Variants in CALCOCO2 observed in about 807,000 individuals in gnomAD.
CALCOCO2 encodes calcium binding and coiled-coil domain 2.
CALCOCO2 carries 42 observed loss-of-function variants against 62.5 expected under a neutral mutation model. That is an observed-to-expected ratio of 0.67 (90% CI 0.53 to 0.87). The LOEUF (loss-of-function observed/expected upper bound fraction) is 0.87, where lower values mean the gene tolerates loss of function less well. CALCOCO2 is among the 40% of genes least tolerant of loss of function. The pLI is 0.00. For missense variants in CALCOCO2, 456 were observed against 515.0 expected (o/e 0.89, Z 1.11); for synonymous variants, 167 against 173.0 (o/e 0.97, Z 0.27).
chr17:48,849,029 A>C (rs1220144028), intron 4 of CALCOCO2, among the ~76,000 whole-genome samples: 1 of 152,176 alleles, frequency 6.6e-6, no homozygotes, highest in Admixed American at 6.5e-5. Context: ...TGTTCCTTTT[A>C]ATTTTAATGG....
Position 48,857,497 on chromosome 17 carries a change from C to CTTTTTTTTTTTTTTTTTTTTTTTT in CALCOCO2, c.1008+1333_1008+1334insTTTTTTTTTTTTTTTTTTTTTTTT, listed in dbSNP as rs59318856. On this transcript the variant is annotated intron_variant, in intron 10 of 12. Coordinates refer to ENST00000258947, the MANE Select transcript of CALCOCO2 (RefSeq NM_005831.5). ...CAGGCGTGAGCCACTGCACCCGGCC[C>CTTTTTTTTTTTTTTTTTTTTTTTT]TTTTTTTTTTTTTTTTTTTTTTTGA... Among the ~76,000 whole-genome samples the CTTTTTTTTTTTTTTTTTTTTTTTT allele has an allele frequency of 4.4e-4, 17 of 38,438 alleles. 6 individuals are homozygous for CTTTTTTTTTTTTTTTTTTTTTTTT. The highest frequency in any genetic ancestry group is 4.8e-4 in the Non-Finnish European group (10 of 21,050). The allele number at this position is 38,438 out of a possible 152,430, so 25.2% of individuals were successfully genotyped here. A position where few individuals can be genotyped will look rare whatever the true frequency, so the allele number is the denominator to read the frequency against.
In CALCOCO2 at chr17:48,860,318, T is replaced by G. The variant is rs756310270; in HGVS notation, c.1013T>G (p.Leu338Trp). 5.6e-6 allele frequency: 9 copies of G among 1,613,778 alleles called. No individual in the cohort carries two copies. Among genetic ancestry groups the G allele is most frequent in the Non-Finnish European group, 7.6e-6 (9 of 1,179,726 alleles). ...CTATAAATCCTCTATCCTTAGCTTT[T>G]GAAGAGGGAGAACAGCAGATTGCTC... ...KERLEGENDL[L>W]KRENSRLLSY... The change falls in exon 11 of 13, where the codon TTG (leucine) becomes TGG (tryptophan). Residue 338 changes from leucine to tryptophan, a missense_variant. Physicochemically the swap from Leu to Trp is moderately conservative, Grantham distance 61. Coordinates refer to ENST00000258947, the MANE Select transcript of CALCOCO2 (RefSeq NM_005831.5).
At chr17:48,860,508 A>G in intron 11 of CALCOCO2, 59 bp downstream of exon 11, 2 of 1,556,948 alleles carry the variant, frequency 1.3e-6, no homozygotes, top group Non-Finnish European at 1.8e-6. Flanking sequence ...TTCCCCTACT[A>G]AATTTTTGTT....
At chr17:48,840,380 C>T (rs1380707896) in intron 1 of CALCOCO2, among the ~76,000 whole-genome samples, 1 of 152,292 alleles carries the variant, frequency 6.6e-6, no homozygotes, top group East Asian at 1.9e-4. Flanking sequence ...ATCCACCCGC[C>T]TCTGCCTTCC....
Position 48,863,051 on chromosome 17 carries a change from C to T in CALCOCO2, c.*46C>T, listed in dbSNP as rs369461455. On this transcript the variant is annotated 3_prime_UTR_variant, in exon 13 of 13. Coordinates refer to ENST00000258947, the MANE Select transcript of CALCOCO2 (RefSeq NM_005831.5). ...TATACAGAGATTTTATAGAATAGAA[C>T]CTATAGCTTCTACCATGAGTTATAT... The T allele has an allele frequency of 2.1e-5, 28 of 1,361,298 alleles. No individual in the cohort carries two copies. Among genetic ancestry groups the T allele is most frequent in the Admixed American group, 1.7e-5 (1 of 59,572 alleles). The allele number at this position is 1,361,298 out of a possible 1,614,324, so 84.3% of individuals were successfully genotyped here. A position where few individuals can be genotyped will look rare whatever the true frequency, so the allele number is the denominator to read the frequency against.
chr17:48,851,053 A>C (rs769379162), intron 5 of CALCOCO2, 36 bp from the exon 6 acceptor site: 1 of 1,157,552 alleles, frequency 8.6e-7, no homozygotes, highest in South Asian at 1.2e-5. Context: ...AAGTCATAGA[A>C]CTAGTCTGTC....
intron 2 of CALCOCO2, among the ~76,000 whole-genome samples, chr17:48,842,966 C>T (rs2039996142): frequency 6.6e-6 from 1 of 152,104 alleles, no homozygotes; most frequent in Non-Finnish European, 1.5e-5. Context: ...GATGGCTGAC[C>T]TCATATGTCA....
intron 1 of CALCOCO2, among the ~76,000 whole-genome samples, chr17:48,832,259 T>G (rs916560401): frequency 6.6e-6 from 1 of 152,144 alleles, no homozygotes; most frequent in Admixed American, 6.5e-5. Flanking sequence ...TGGAGCGTGG[T>G]GGCGGGCGCC....
chr17:48,847,517 G>A (rs2040068305), intron 2 of CALCOCO2, among the ~76,000 whole-genome samples: 2 of 151,986 alleles, frequency 1.3e-5, no homozygotes, highest in African/African-American at 4.8e-5. Flanking sequence ...TTTGAGCTGT[G>A]TATGTGCACC....
Position 48,839,669 on chromosome 17 carries a change from G to GTT in CALCOCO2, c.-10-2029_-10-2028insTT, listed in dbSNP as rs1491274950. Among the ~76,000 whole-genome samples the GTT allele has an allele frequency of 3.1e-5, 2 of 64,094 alleles. 1 individual carries two copies. Among genetic ancestry groups the GTT allele is most frequent in the South Asian group, 1.1e-3 (2 of 1,890 alleles). 42.0% of individuals were successfully genotyped at this position (64,094 alleles called of 152,430 possible). On this transcript the variant is annotated intron_variant, in intron 1 of 12. Transcript: ENST00000258947. ...CGGCCTTTTTTCTTTGCTTTGCTTT[G>GTT]CTTTTTTTTTTTTTTTTTTTTTTTT...
chr17:48,854,302 C>T (rs1178207496), intron 9 of CALCOCO2, among the ~76,000 whole-genome samples: 6 of 58,932 alleles, frequency 1.0e-4, no homozygotes, highest in African/African-American at 6.8e-5. Context: ...GGCGACAGAG[C>T]GAGACTCCGT....
chr17:48,836,824 G>A (rs2039899784), intron 1 of CALCOCO2, among the ~76,000 whole-genome samples: 1 of 149,032 alleles, frequency 6.7e-6, no homozygotes. Flanking sequence ...GTGCAGTGGT[G>A]CGATCTCAGC....
intron 2 of CALCOCO2, among the ~76,000 whole-genome samples, chr17:48,846,268 T>G (rs774349370): frequency 1.8e-4 from 27 of 152,130 alleles, no homozygotes; most frequent in Admixed American, 5.2e-4. Flanking sequence ...ACTGAGTAAC[T>G]GGGATTATAG....
At chr17:48,849,154 G>C in intron 4 of CALCOCO2, 98 bp from the exon 5 acceptor site, 2 of 1,117,254 alleles carry the variant, frequency 1.8e-6, no homozygotes, top group Non-Finnish European at 2.7e-6. Context: ...AGGTGTCACT[G>C]CAGTGAATGG....
chr17:48,856,637 GTGCATTCATTCATTCA>G (rs1567758228), intron 10 of CALCOCO2: 1 of 438,788 alleles, frequency 2.3e-6, no homozygotes. Context: ...AATAAATGCT[GTGCATTCATTCATTCA>G]TTCATTCATT....
intron 9 of CALCOCO2, 30 bp downstream of exon 9, chr17:48,853,042 A>G (rs2040157114): frequency 6.8e-7 from 1 of 1,467,536 alleles, no homozygotes; most frequent in East Asian, 2.3e-5. Flanking sequence ...GTTATGTGGG[A>G]GGGAGCCTAT....
chr17:48,834,060 T>C (rs2039855032), intron 1 of CALCOCO2, among the ~76,000 whole-genome samples: 1 of 135,540 alleles, frequency 7.4e-6, no homozygotes, highest in Admixed American at 9.1e-5. Flanking sequence ...AAGGCTGCAG[T>C]GAGCCACATT....
intron 2 of CALCOCO2, among the ~76,000 whole-genome samples, chr17:48,842,850 A>G (rs1052249270): frequency 1.3e-5 from 2 of 152,024 alleles, no homozygotes; most frequent in African/African-American, 4.8e-5. Context: ...CATGTTGGTC[A>G]GGCTGGTCTT....
Position 48,864,074 on chromosome 17 carries a change from T to TTC in CALCOCO2, c.*1070_*1071insCT. 6.7e-6 allele frequency: 1 copy of TTC among 149,230 alleles called. No individual in the cohort carries two copies. The highest frequency in any genetic ancestry group is 2.0e-4 in the East Asian group (1 of 5,120). 9.2% of individuals were successfully genotyped at this position (149,230 alleles called of 1,614,324 possible). A position where few individuals can be genotyped will look rare whatever the true frequency, so the allele number is the denominator to read the frequency against. On this transcript the variant is annotated 3_prime_UTR_variant, in exon 13 of 13. Transcript: ENST00000258947. ...CCTGGCTTGCTTTCTTTCTTTTTTT[T>TTC]TTTTTTTTTTTGAAACAGTCTCTCT...
Sources: gnomAD v4.1 joint callset for allele counts (sites outside exome capture counted in the v4.1 genomes callset) on GRCh38, gnomAD v4.1.1 for gene constraint, MANE v1.5 for transcripts, NCBI Gene and HGNC (gene_info 2026-07-23, HGNC 2026-07-21) for gene names.